Variants in PGRMC2 observed in about 807,000 individuals in gnomAD.
PGRMC2 encodes progesterone receptor membrane component 2.
Under a neutral mutation model 19.3 loss-of-function variants are expected in PGRMC2, and 9 were observed. The ratio of observed to expected loss-of-function variants is 0.47; its 90% CI spans 0.28 to 0.81. The LOEUF (loss-of-function observed/expected upper bound fraction) is 0.81, where lower values mean the gene tolerates loss of function less well. PGRMC2 is among the 40% of genes least tolerant of loss of function. PGRMC2 has a pLI of 0.11. For missense variants in PGRMC2, 289 were observed against 297.3 expected (o/e 0.97, Z 0.21); for synonymous variants, 157 against 124.6 (o/e 1.26, Z -1.73).
chr4:128,287,464 G>A lies in PGRMC2; in HGVS notation c.327C>T (p.Arg109=). ...KKRDFSLEQL[R]QYDGSRNPRI... is the part of the protein sequence containing the mutation. Reference sequence around the variant, plus strand: ...GCGGGTTGCGGGAGCCGTCGTACTGGCGCAGCTGCTCCAAGCTGAAGTCCC... The same window carrying A: ...GCGGGTTGCGGGAGCCGTCGTACTGACGCAGCTGCTCCAAGCTGAAGTCCC... Residue 109 remains arginine (R), a synonymous_variant, in exon 1 of 3, where the codon CGC becomes CGT. Coordinates refer to ENST00000296425, the MANE Select transcript of PGRMC2 (RefSeq NM_006320.6). 5 of 1,613,674 alleles carry A rather than the reference G, an allele frequency of 3.1e-6. No individual in the cohort carries two copies. Among genetic ancestry groups the A allele is most frequent in the South Asian group, 1.1e-5 (1 of 91,062 alleles).
At chr4:128,281,676 T>C (rs1760912926) in intron 1 of PGRMC2, among the ~76,000 whole-genome samples, 1 of 152,178 alleles carries the variant, frequency 6.6e-6, no homozygotes, top group Non-Finnish European at 1.5e-5. Flanking sequence ...AATCCAGCTA[T>C]ATGTCATTAA....
chr4:128,277,963 T>A (rs1489761878), intron 1 of PGRMC2, among the ~76,000 whole-genome samples: 1 of 152,198 alleles, frequency 6.6e-6, no homozygotes, highest in Admixed American at 6.5e-5. Context: ...TTGAATAGTA[T>A]GATTCTATAA....
rs755295146 is a variant in PGRMC2, at chr4:128,272,480, G to A, written c.456C>T (p.Ser152=). 7 of 1,546,268 alleles carry A rather than the reference G, an allele frequency of 4.5e-6. No individual in the cohort carries two copies. Among genetic ancestry groups the A allele is most frequent in the Non-Finnish European group, 2.6e-6 (3 of 1,149,244 alleles). The part of the protein sequence containing the change: ...PYGIFAGRDA[S]RGLATFCLDK... ...CTAGGCAAAATGTGGCCAGTCCTCTGGAGGCATCCCTACCAGCAAATATTC... is the reference window on the plus strand; with the variant it reads ...CTAGGCAAAATGTGGCCAGTCCTCTAGAGGCATCCCTACCAGCAAATATTC... Residue 152 remains serine, a synonymous_variant, in exon 2 of 3, where the codon TCC becomes TCT. Coordinates refer to ENST00000296425, the MANE Select transcript of PGRMC2 (RefSeq NM_006320.6).
At chr4:128,287,075 C>T (rs1483051050) in intron 1 of PGRMC2, among the ~76,000 whole-genome samples, 4 of 143,524 alleles carry the variant, frequency 2.8e-5, no homozygotes, top group African/African-American at 1.0e-4. Context: ...GCCAAAGAAA[C>T]AAAAAAAAAA....
chr4:128,281,635 TAAAG>T (rs1485229795), intron 1 of PGRMC2, among the ~76,000 whole-genome samples: 1 of 152,150 alleles, frequency 6.6e-6, no homozygotes, highest in African/African-American at 2.4e-5. Context: ...ATTAAGCTAT[TAAAG>T]GACATAGTGC....
intron 1 of PGRMC2, among the ~76,000 whole-genome samples, chr4:128,281,351 AAT>A (rs1336635052): frequency 6.6e-6 from 1 of 152,176 alleles, no homozygotes; most frequent in African/African-American, 2.4e-5. Context: ...AGCTTTTTCA[AAT>A]TGACACTAAA....
chr4:128,269,567 A>G lies in PGRMC2; in HGVS notation c.*1749T>C, dbSNP rs193066386. 22 of 152,330 alleles carry G rather than the reference A, an allele frequency of 1.4e-4. No individual in the cohort carries two copies. Among genetic ancestry groups the G allele is most frequent in the Admixed American group, 1.4e-3 (21 of 15,292 alleles). The allele number at this position is 152,330 out of a possible 1,614,324, so 9.4% of individuals were successfully genotyped here. A position where few individuals can be genotyped will look rare whatever the true frequency, so the allele number is the denominator to read the frequency against. ...AACACTCCAAGACTGAATAGAATGT[A>G]GTATTTTACATACTTTAGCTTATTG... On this transcript the variant is annotated 3_prime_UTR_variant, in exon 3 of 3. Coordinates refer to ENST00000296425, the MANE Select transcript of PGRMC2 (RefSeq NM_006320.6).
At position 128,269,824 on chromosome 4, in the gene PGRMC2, C is replaced by A. The variant is rs1578880170; in HGVS notation, c.*1492G>T. On this transcript the variant is annotated 3_prime_UTR_variant, in exon 3 of 3. Coordinates refer to ENST00000296425, the MANE Select transcript of PGRMC2 (RefSeq NM_006320.6). The stretch of plus-strand genomic sequence containing the variant: ...TATCTATCAGTGCAATATTCTTTTA[C>A]TGTTTTGTGTTCAATAACCACCTGG... 1 of 152,116 alleles carries A rather than the reference C, an allele frequency of 6.6e-6. No homozygotes were observed. The highest frequency in any genetic ancestry group is 6.5e-5 in the Admixed American group (1 of 15,272). The allele number at this position is 152,116 out of a possible 1,614,324, so 9.4% of individuals were successfully genotyped here.
At chr4:128,276,318 G>A (rs769608480) in intron 1 of PGRMC2, among the ~76,000 whole-genome samples, 1 of 151,726 alleles carries the variant, frequency 6.6e-6, no homozygotes, top group Non-Finnish European at 1.5e-5. Context: ...TCTGTTGCAT[G>A]GTATAATTTA....
chr4:128,276,508 G>T (rs1424785881), intron 1 of PGRMC2, among the ~76,000 whole-genome samples: 1 of 152,006 alleles, frequency 6.6e-6, no homozygotes, highest in Non-Finnish European at 1.5e-5. Flanking sequence ...TGGTAGAGAG[G>T]GGGTTTCACC....
At chr4:128,277,054 G>A (rs922790570) in intron 1 of PGRMC2, among the ~76,000 whole-genome samples, 1 of 152,176 alleles carries the variant, frequency 6.6e-6, no homozygotes, top group East Asian at 1.9e-4. Context: ...CTACTTGGGA[G>A]GCTGAGGCAG....
At chr4:128,282,235 C>A (rs1760918748) in intron 1 of PGRMC2, among the ~76,000 whole-genome samples, 1 of 152,080 alleles carries the variant, frequency 6.6e-6, no homozygotes. Context: ...AAAAATGGAG[C>A]TGAAATCCTA....
At chr4:128,284,398 T>A (rs2110564780) in intron 1 of PGRMC2, among the ~76,000 whole-genome samples, 1 of 152,332 alleles carries the variant, frequency 6.6e-6, no homozygotes, top group East Asian at 1.9e-4. Context: ...ATGGATCTGA[T>A]ATTGTGGGTG....
intron 1 of PGRMC2, among the ~76,000 whole-genome samples, chr4:128,274,431 A>AATCCAGG (rs1330029304): frequency 1.3e-5 from 2 of 151,716 alleles, no homozygotes; most frequent in South Asian, 4.2e-4. Context: ...GAATTGCTTG[A>AATCCAGG]ATCCAGGAGA....
At chr4:128,283,972 TTTTTA>T (rs1321102597) in intron 1 of PGRMC2, among the ~76,000 whole-genome samples, 64 of 83,268 alleles carry the variant, frequency 7.7e-4, no homozygotes, top group African/African-American at 2.2e-3. Flanking sequence ...TATTTTTTTA[TTTTTA>T]TTTTTTTTTT....
chr4:128,285,025 G>C (rs985820228), intron 1 of PGRMC2, among the ~76,000 whole-genome samples: 1 of 152,154 alleles, frequency 6.6e-6, no homozygotes, highest in African/African-American at 2.4e-5. Flanking sequence ...CAGAACCTAG[G>C]AACTGGCAGA....
rs1269520935 is a variant in PGRMC2, at chr4:128,270,250, C to T, written c.*1066G>A. 1.3e-5 allele frequency: 2 copies of T among 152,746 alleles called. No individual in the cohort carries two copies. The highest frequency in any genetic ancestry group is 1.3e-4 in the Admixed American group (2 of 15,278). 9.5% of individuals were successfully genotyped at this position (152,746 alleles called of 1,614,324 possible). A position where few individuals can be genotyped will look rare whatever the true frequency, so the allele number is the denominator to read the frequency against. On this transcript the variant is annotated 3_prime_UTR_variant, in exon 3 of 3. Coordinates refer to ENST00000296425, the MANE Select transcript of PGRMC2 (RefSeq NM_006320.6). ...TCAGACACATCCATACTGACACCCA[C>T]TCCACAGCCCCATGCACCCACACCA... is the stretch of plus-strand genomic sequence containing the variant.
intron 1 of PGRMC2, among the ~76,000 whole-genome samples, chr4:128,285,205 A>G (rs957942731): frequency 6.2e-4 from 94 of 152,236 alleles, no homozygotes; most frequent in Non-Finnish European, 2.2e-4. Flanking sequence ...GGCTCACTGC[A>G]ACCCCCACCT....
rs565935134 is a variant in PGRMC2, at chr4:128,269,942, A to G, written c.*1374T>C. On this transcript the variant is annotated 3_prime_UTR_variant, in exon 3 of 3. Coordinates refer to ENST00000296425, the MANE Select transcript of PGRMC2 (RefSeq NM_006320.6). The stretch of plus-strand genomic sequence containing the variant: ...CCAATTCTTACCTGAATAATCTTGG[A>G]TTTCTGGAGAATGTTCCACAAAGTG... 6.5e-6 allele frequency: 1 copy of G among 152,746 alleles called. No homozygotes were observed. Among genetic ancestry groups the G allele is most frequent in the Non-Finnish European group, 1.5e-5 (1 of 68,030 alleles). 9.5% of individuals were successfully genotyped at this position (152,746 alleles called of 1,614,324 possible).
Sources: allele counts gnomAD v4.1 joint callset (sites outside exome capture counted in the v4.1 genomes callset), GRCh38; gene constraint gnomAD v4.1.1; transcripts MANE v1.5; gene names NCBI Gene and HGNC (gene_info 2026-07-23, HGNC 2026-07-21).